RSPH10B2: variants seen among roughly 807,000 people sequenced by gnomAD.
The protein encoded by RSPH10B2 is radial spoke head 10 homolog B2.
In RSPH10B2, 9 loss-of-function variants were observed where a neutral mutation model predicts 49.0. That is an observed-to-expected ratio of 0.18 (90% confidence interval 0.11 to 0.32). The LOEUF (loss-of-function observed/expected upper bound fraction) is 0.32. Among genes scored for constraint, RSPH10B2 ranks in the 10% least tolerant of loss-of-function variants. The pLI is 1.00. For synonymous variants in RSPH10B2, 35 were observed against 210.2 expected (o/e 0.17, Z 7.21); for missense variants, 95 against 589.9 (o/e 0.16, Z 8.69).
chr7:6,797,565 A>C (rs1391001225), intron 18 of RSPH10B2, among the ~76,000 whole-genome samples: 1 of 152,284 alleles, frequency 6.6e-6, no homozygotes, highest in African/African-American at 2.4e-5. Context: ...GACCCTCCAT[A>C]AAGTCCCCAA....
At chr7:6,783,535 C>A (rs1782021039) in intron 13 of RSPH10B2, among the ~76,000 whole-genome samples, 1 of 128,776 alleles carries the variant, frequency 7.8e-6, no homozygotes, top group Non-Finnish European at 1.6e-5. Flanking sequence ...TACAGTGGTG[C>A]AATCTTGGCT....
At chr7:6,785,000 G>A (rs1386494355) in intron 13 of RSPH10B2, among the ~76,000 whole-genome samples, 33 of 90,020 alleles carry the variant, frequency 3.7e-4, no homozygotes, top group Middle Eastern at 3.9e-3. Context: ...GTTTCCCGAC[G>A]TGCTTTTCGG....
At chr7:6,774,352 A>G (rs1300511131) in intron 9 of RSPH10B2, among the ~76,000 whole-genome samples, 1 of 69,534 alleles carries the variant, frequency 1.4e-5, no homozygotes, top group Non-Finnish European at 2.6e-5. Flanking sequence ...TATATTTTGT[A>G]TTTTTAGTAG....
At chr7:6,756,195 G>A (rs1311168839), upstream of RSPH10B2, among the ~76,000 whole-genome samples, 24 of 141,832 alleles carry the variant, frequency 1.7e-4, no homozygotes, top group African/African-American at 3.9e-4. Flanking sequence ...GCATGAACCC[G>A]GGAGGTGGAG....
rs1245306707 is a variant in RSPH10B2 at position 6,793,936 on chromosome 7, G to C, written c.2233+1939G>C. On this transcript the variant is annotated intron_variant, in intron 17 of 18. Coordinates refer to ENST00000297186, the Ensembl canonical transcript of RSPH10B2. ...TGCTCCTTTGCTGCTAGGCATCTTG[G>C]GGGGCTGTGTACATGCTCACCTTTG... is the stretch of plus-strand genomic sequence containing the variant. Among the ~76,000 whole-genome samples, 6 of 152,316 alleles carry C rather than the reference G, an allele frequency of 3.9e-5. No homozygotes were observed. The East Asian group carries it at 5.8e-4, about 15-fold the overall frequency.
chr7:6,785,438 A>G (rs1371902618), intron 13 of RSPH10B2, among the ~76,000 whole-genome samples: 1 of 152,290 alleles, frequency 6.6e-6, no homozygotes, highest in African/African-American at 2.4e-5. Context: ...TCGGCCTCAC[A>G]AGGTTCTGGG....
chr7:6,774,757 T>C, intron 9 of RSPH10B2, among the ~76,000 whole-genome samples: 1 of 79,072 alleles, frequency 1.3e-5, no homozygotes, highest in African/African-American at 5.7e-5. Flanking sequence ...TTTTTTTTGT[T>C]TTTTTTTTTT....
intron 6 of RSPH10B2, among the ~76,000 whole-genome samples, chr7:6,768,382 G>A (rs1321099856): frequency 6.6e-6 from 1 of 151,896 alleles, no homozygotes; most frequent in Non-Finnish European, 1.5e-5. Context: ...TACAGACGAG[G>A]AACTTAGAGG....
chr7:6,776,981 G>A (rs1196959482), intron 10 of RSPH10B2, among the ~76,000 whole-genome samples: 1 of 123,508 alleles, frequency 8.1e-6, no homozygotes, highest in South Asian at 3.2e-4. Context: ...TCCATGGCCC[G>A]TTAGGAAACA....
chr7:6,785,473 T>G (rs546470537), intron 13 of RSPH10B2, among the ~76,000 whole-genome samples: 2 of 152,258 alleles, frequency 1.3e-5, no homozygotes, highest in African/African-American at 4.8e-5. Flanking sequence ...CCACCATGTC[T>G]GGCCGCAAAT....
At position 6,781,000 on chromosome 7, in the gene RSPH10B2, C is replaced by T. The variant is rs562818968; in HGVS notation, c.1609+112C>T. Reference sequence around the variant, plus strand: ...CTGCAATCCCAGCACTTTGGGAGGCCGAGGCAGGAGGATCACCTGAGGTCA... The same window carrying T: ...CTGCAATCCCAGCACTTTGGGAGGCTGAGGCAGGAGGATCACCTGAGGTCA... On this transcript the variant is annotated intron_variant, in intron 12 of 18. Transcript: ENST00000297186. 320 of 1,202,580 alleles carry T rather than the reference C, an allele frequency of 2.7e-4. 68 individuals are homozygous for T. In the African/African-American group the frequency reaches 4.7e-3, roughly 18 times the overall value. 74.5% of individuals were successfully genotyped at this position (1,202,580 alleles called of 1,614,324 possible). A position where few individuals can be genotyped will look rare whatever the true frequency, so the allele number is the denominator to read the frequency against.
At chr7:6,767,709 A>AC (rs1781500105) in intron 6 of RSPH10B2, among the ~76,000 whole-genome samples, 1 of 3,942 alleles carries the variant, frequency 2.5e-4, no homozygotes, top group East Asian at 3.6e-3. Flanking sequence ...TGTAGCTGAG[A>AC]CTACAGAGGT....
chr7:6,770,579 C>A (rs896250698), intron 7 of RSPH10B2, among the ~76,000 whole-genome samples: 1 of 128,188 alleles, frequency 7.8e-6, no homozygotes, highest in Non-Finnish European at 1.7e-5. Context: ...CTACTGCACT[C>A]CAGCCTGAGT....
At chr7:6,791,627 C>T (rs1004181371) in intron 16 of RSPH10B2, among the ~76,000 whole-genome samples, 9 of 146,614 alleles carry the variant, frequency 6.1e-5, no homozygotes, top group Non-Finnish European at 1.2e-4. Context: ...GCCTGTAGTG[C>T]AGCTACCCAG....
At chr7:6,780,573 T>C (rs1165172041) in intron 11 of RSPH10B2, among the ~76,000 whole-genome samples, 2 of 112,256 alleles carry the variant, frequency 1.8e-5, no homozygotes, top group East Asian at 3.0e-4. Flanking sequence ...TTAGTGGAGA[T>C]GGGGTTTCAC....
chr7:6,780,663 G>A, intron 11 of RSPH10B2, 146 bp from the exon 14 acceptor site: 2 of 991,812 alleles, frequency 2.0e-6, no homozygotes, highest in South Asian at 5.8e-5. Flanking sequence ...GGGATTATAG[G>A]TTTGAGCCAC....
Position 6,785,761 on chromosome 7 carries a change from G to A in RSPH10B2, c.1759-188G>A, listed in dbSNP as rs1370363569. 2.6e-5 allele frequency among the ~76,000 whole-genome samples: 4 copies of A among 151,364 alleles called. No individual in the cohort carries two copies. The East Asian group carries it at 7.7e-4, about 29-fold the overall frequency. ...AATCACTTGAACCCAGGAGGTGGAG[G>A]TTGCAGTGAGCTGAGATTGCGCCAC... On this transcript the variant is annotated intron_variant, in intron 13 of 18. Transcript: ENST00000297186.
chr7:6,753,238 GAC>G (rs1780952342), upstream of RSPH10B2: 1 of 214,314 alleles, frequency 4.7e-6, no homozygotes, highest in South Asian at 1.9e-4. Context: ...CAACACTCCG[GAC>G]ACAGACCAGT....
intron 10 of RSPH10B2, among the ~76,000 whole-genome samples, chr7:6,776,859 A>G (rs533295450): frequency 9.6e-6 from 1 of 104,598 alleles, no homozygotes; most frequent in East Asian, 5.9e-4. Flanking sequence ...CCTGGGTGAC[A>G]GGGCGAGACT....
Sources: gnomAD v4.1 joint callset for allele counts (sites outside exome capture counted in the v4.1 genomes callset) on GRCh38, gnomAD v4.1.1 for gene constraint, MANE v1.5 for transcripts, NCBI Gene and HGNC (gene_info 2026-07-23, HGNC 2026-07-21) for gene names.